Variants in PKP4 observed in about 807,000 individuals in gnomAD.
The protein encoded by PKP4 is plakophilin 4, also known as plakophilin-4.
PKP4 carries 90 observed loss-of-function variants against 145.1 expected under a neutral mutation model. The observed-to-expected ratio is 0.62, with a 90% CI of 0.52 to 0.74. The LOEUF (loss-of-function observed/expected upper bound fraction) is 0.74, where lower values mean the gene tolerates loss of function less well. PKP4 is among the 30% of genes least tolerant of loss of function. The probability of loss-of-function intolerance (pLI) is 0.00; values close to 1 mark genes in which losing one functional copy is unlikely to be tolerated. For missense variants in PKP4, 1,340 were observed against 1,482.7 expected (o/e 0.90, Z 1.58); for synonymous variants, 563 against 577.2 (o/e 0.98, Z 0.35).
At chr2:158,674,776 G>A (rs542691885) in intron 19 of PKP4, among the ~76,000 whole-genome samples, 1 of 151,190 alleles carries the variant, frequency 6.6e-6, no homozygotes, top group East Asian at 1.9e-4. Flanking sequence ...AAAATAATAA[G>A]TATCTTATTT....
At position 158,564,443 on chromosome 2, in the gene PKP4, T is replaced by G. The variant is rs569648891; in HGVS notation, c.133-12828T>G. On this transcript the variant is annotated intron_variant, in intron 2 of 21. Coordinates refer to ENST00000389759, the MANE Select transcript of PKP4 (RefSeq NM_003628.6). ...TATGTGGATGGACATTCAAATTGTT[T>G]CAAATGATGCTGCAATTACTGTTTA... Among the ~76,000 whole-genome samples, 4 of 152,342 alleles carry G rather than the reference T, an allele frequency of 2.6e-5. No homozygotes were observed. In the East Asian group the frequency reaches 7.7e-4, roughly 29 times the overall value.
intron 1 of PKP4, among the ~76,000 whole-genome samples, chr2:158,523,920 G>T (rs1462725304): frequency 7.7e-6 from 1 of 129,388 alleles, no homozygotes; most frequent in Non-Finnish European, 1.6e-5. Context: ...AGCGAGAAGG[G>T]AAGTTTAGAG....
intron 1 of PKP4, among the ~76,000 whole-genome samples, chr2:158,528,268 A>C (rs1407121707): frequency 1.3e-5 from 2 of 150,412 alleles, no homozygotes; most frequent in East Asian, 3.9e-4. Flanking sequence ...CTGGATTAAG[A>C]AAACGTGGCA....
At chr2:158,475,039 T>C (rs186600590) in intron 1 of PKP4, among the ~76,000 whole-genome samples, 110 of 152,360 alleles carry the variant, frequency 7.2e-4, no homozygotes, top group Non-Finnish European at 1.1e-3. Context: ...GATTTCAGGC[T>C]AGTTAGTTAT....
chr2:158,586,547 G>T (rs2048817952), intron 3 of PKP4, among the ~76,000 whole-genome samples: 1 of 152,146 alleles, frequency 6.6e-6, no homozygotes, highest in Non-Finnish European at 1.5e-5. Context: ...TTTAATATCT[G>T]AATATAATTA....
chr2:158,522,885 A>T (rs867412131), intron 1 of PKP4, among the ~76,000 whole-genome samples: 2 of 152,284 alleles, frequency 1.3e-5, no homozygotes, highest in Middle Eastern at 6.8e-3. Flanking sequence ...CACCTGGAAA[A>T]TCGGGTCACT....
chr2:158,494,058 G>A (rs1435992226), intron 1 of PKP4, among the ~76,000 whole-genome samples: 1 of 152,148 alleles, frequency 6.6e-6, no homozygotes, highest in South Asian at 2.1e-4. Context: ...CATGATAAAA[G>A]TTGGATCTTT....
At chr2:158,673,783 G>A in intron 18 of PKP4, 22 bp downstream of exon 18, 1 of 1,529,438 alleles carries the variant, frequency 6.5e-7, no homozygotes, top group Non-Finnish European at 9.1e-7. Context: ...GAATAGCTCT[G>A]GCATAATTAG....
rs755532454 is a variant in PKP4 at position 158,680,475 on chromosome 2, T to G, written c.3377T>G (p.Phe1126Cys). 6.2e-7 allele frequency: 1 copy of G among 1,612,842 alleles called. No homozygotes were observed. The highest frequency in any genetic ancestry group is 8.5e-7 in the Non-Finnish European group (1 of 1,178,938). The stretch of plus-strand genomic sequence containing the variant: ...CAAGATGACTCCAACAGAAAGAACT[T>G]TGATGCATACAGATTGTATTTGCAG... Reference protein sequence around the residue: ...YSQDDSNRKNFDAYRLYLQSP... With the variant: ...YSQDDSNRKNCDAYRLYLQSP... The change falls in exon 22 of 22, where the codon TTT (phenylalanine) becomes TGT (cysteine). Residue 1126 changes from phenylalanine to cysteine, a missense_variant. Transcript: ENST00000389759.
intron 1 of PKP4, 78 bp from the exon 2 acceptor site, chr2:158,533,102 T>C (rs2043718572): frequency 7.0e-7 from 1 of 1,420,808 alleles, no homozygotes; most frequent in Non-Finnish European, 9.4e-7. Context: ...CTGTAGTTGC[T>C]AGGAACCATC....
chr2:158,651,677 C>A (rs1006368034), intron 11 of PKP4, among the ~76,000 whole-genome samples: 1 of 151,868 alleles, frequency 6.6e-6, no homozygotes, highest in Admixed American at 6.6e-5. Context: ...CTGTCAAACA[C>A]AAGTTCACAC....
At chr2:158,566,922 G>A (rs2047034359) in intron 2 of PKP4, among the ~76,000 whole-genome samples, 1 of 152,076 alleles carries the variant, frequency 6.6e-6, no homozygotes, top group African/African-American at 2.4e-5. Context: ...GCCATTCCCA[G>A]TTCAACAATT....
chr2:158,678,895 G>A (rs1215125935), intron 21 of PKP4: 7 of 554,412 alleles, frequency 1.3e-5, no homozygotes, highest in African/African-American at 5.7e-5. Flanking sequence ...GGGGACAGCC[G>A]AGAAGTCTTT....
chr2:158,510,379 C>T (rs2041391546), intron 1 of PKP4, among the ~76,000 whole-genome samples: 1 of 152,122 alleles, frequency 6.6e-6, no homozygotes, highest in African/African-American at 2.4e-5. Context: ...ACATAGAAGA[C>T]AGGGATCTTG....
At chr2:158,598,558 G>A (rs781138313) in intron 3 of PKP4, among the ~76,000 whole-genome samples, 3 of 152,128 alleles carry the variant, frequency 2.0e-5, no homozygotes, top group African/African-American at 4.8e-5. Context: ...ACGAGGTCAC[G>A]AGATCGAGAC....
chr2:158,553,559 A>G (rs2045816441), intron 2 of PKP4, among the ~76,000 whole-genome samples: 1 of 152,236 alleles, frequency 6.6e-6, no homozygotes, highest in Non-Finnish European at 1.5e-5. Context: ...AACAGTGCTC[A>G]GTTGCAAATA....
intron 2 of PKP4, among the ~76,000 whole-genome samples, chr2:158,539,445 A>T (rs1157082158): frequency 6.6e-6 from 1 of 152,202 alleles, no homozygotes; most frequent in Non-Finnish European, 1.5e-5. Context: ...TTTTCAATGA[A>T]ATAGTCCTCT....
chr2:158,621,475 G>C, intron 6 of PKP4, 54 bp downstream of exon 6: 1 of 1,470,000 alleles, frequency 6.8e-7, no homozygotes, highest in Non-Finnish European at 9.4e-7. Flanking sequence ...GCCGGGCACA[G>C]TGGCTCATGC....
intron 1 of PKP4, among the ~76,000 whole-genome samples, chr2:158,477,457 A>T (rs1380218761): frequency 6.6e-6 from 1 of 152,214 alleles, no homozygotes; most frequent in Non-Finnish European, 1.5e-5. Flanking sequence ...TTAGAAGGAA[A>T]CCATGCCAAA....
Sources: gnomAD v4.1 joint callset for allele counts (sites outside exome capture counted in the v4.1 genomes callset) on GRCh38, gnomAD v4.1.1 for gene constraint, MANE v1.5 for transcripts, NCBI Gene and HGNC (gene_info 2026-07-23, HGNC 2026-07-21) for gene names.